The following PLCE1 variants were observed in gnomAD, a reference collection of about 807,000 sequenced individuals.
PLCE1 encodes the protein 1-phosphatidylinositol 4,5-bisphosphate phosphodiesterase epsilon-1.
Under a neutral mutation model 242.8 loss-of-function variants are expected in PLCE1, and 119 were observed. That is an observed-to-expected ratio of 0.49 (90% CI 0.42 to 0.57). PLCE1 has a LOEUF of 0.57. PLCE1 is among the 20% of genes least tolerant of loss of function. The pLI is 0.00. For synonymous variants in PLCE1, 945 were observed against 1,017.4 expected (o/e 0.93, Z 1.35); for missense variants, 2,441 against 2,788.8 (o/e 0.88, Z 2.81).
chr10:94,211,977 C>T (rs1473999908), intron 4 of PLCE1, among the ~76,000 whole-genome samples: 3 of 152,194 alleles, frequency 2.0e-5, no homozygotes, highest in Non-Finnish European at 2.9e-5. Flanking sequence ...AAAAAAATTA[C>T]ATGGTCAAAA....
intron 4 of PLCE1, among the ~76,000 whole-genome samples, chr10:94,177,188 T>G (rs1161424141): frequency 6.6e-6 from 1 of 152,184 alleles, no homozygotes; most frequent in Non-Finnish European, 1.5e-5. Flanking sequence ...TAGGAAAGCA[T>G]GGTTAAAATG....
At chr10:94,199,803 T>C (rs1488390203) in intron 4 of PLCE1, among the ~76,000 whole-genome samples, 1 of 151,924 alleles carries the variant, frequency 6.6e-6, no homozygotes, top group Non-Finnish European at 1.5e-5. Flanking sequence ...TGACAGACAA[T>C]GTGACGTGCT....
At chr10:94,235,878 T>G (rs2050304787) in intron 6 of PLCE1, 37 bp from the exon 7 acceptor site, 2 of 1,562,452 alleles carry the variant, frequency 1.3e-6, no homozygotes, top group African/African-American at 2.7e-5. Flanking sequence ...CCAGGCATAT[T>G]AAGTTGCAAT....
At chr10:94,001,208 G>A (rs2060924421) in intron 1 of PLCE1, among the ~76,000 whole-genome samples, 2 of 152,150 alleles carry the variant, frequency 1.3e-5, no homozygotes, top group Admixed American at 1.3e-4. Flanking sequence ...AGGGCTGTTA[G>A]TCAAACAGTA....
At chr10:94,047,823 C>T (rs1489556693) in intron 2 of PLCE1, among the ~76,000 whole-genome samples, 2 of 152,106 alleles carry the variant, frequency 1.3e-5, no homozygotes, top group Non-Finnish European at 2.9e-5. Context: ...TCCCAGGTAC[C>T]ATCTTCCTTA....
rs557282407 is a variant in PLCE1, at chr10:94,306,392, G to A, written c.5623-35G>A. 5.6e-5 allele frequency: 91 copies of A among 1,613,940 alleles called. No homozygotes were observed. The highest frequency in any genetic ancestry group is 5.1e-4 in the South Asian group (46 of 91,056). Reference sequence around the variant, plus strand: ...GAGGTTGTCTTTCTTTTTTATCCTCGGTGACTTTGATCCCTTTTGTCTCCC... The same window carrying A: ...GAGGTTGTCTTTCTTTTTTATCCTCAGTGACTTTGATCCCTTTTGTCTCCC... On this transcript the variant is annotated intron_variant, in intron 25 of 32. Coordinates refer to ENST00000371380, the MANE Select transcript of PLCE1 (RefSeq NM_016341.4). The surrounding 1 kb of genome is among the most constrained non-coding windows in gnomAD (Gnocchi z 5.7).
intron 4 of PLCE1, among the ~76,000 whole-genome samples, chr10:94,210,700 T>C (rs2049305017): frequency 6.6e-6 from 1 of 152,090 alleles, no homozygotes; most frequent in South Asian, 2.1e-4. Context: ...GAGCAGCTGC[T>C]CCCTCCTTTC....
At chr10:94,254,082 G>A (rs2050977766) in intron 9 of PLCE1, 108 bp from the exon 10 acceptor site, 1 of 809,708 alleles carries the variant, frequency 1.2e-6, no homozygotes. Context: ...TTACCAGGAA[G>A]AGGCAGTATT....
Position 94,262,655 on chromosome 10 carries a change from A to T in PLCE1, c.3976A>T (p.Ile1326Leu). The T allele has an allele frequency of 6.2e-7, 1 of 1,614,104 alleles. No individual in the cohort carries two copies. The part of the protein sequence containing the change: ...STSLGIFGVG[I>L]LQLNDFLVNC... The stretch of plus-strand genomic sequence containing the variant: ...ATCTCTGGGCATTTTTGGGGTGGGC[A>T]TACTTCAGCTCAACGATTTCCTCGT... The change falls in exon 14 of 33, where the codon ATA (isoleucine) becomes TTA (leucine). Residue 1326 changes from isoleucine (I) to leucine (L), a missense_variant. This residue lies in a region of PLCE1 where 1,004 missense variants were observed against 1,322.7 expected (regional missense o/e 0.76). Coordinates refer to ENST00000371380, the MANE Select transcript of PLCE1 (RefSeq NM_016341.4).
At chr10:94,006,485 C>T (rs1326537964) in intron 1 of PLCE1, among the ~76,000 whole-genome samples, 1 of 152,204 alleles carries the variant, frequency 6.6e-6, no homozygotes, top group Non-Finnish European at 1.5e-5. Context: ...GACTTTTTCA[C>T]ATGTTTACCT....
At chr10:94,292,701 A>G (rs144635722) in intron 22 of PLCE1, among the ~76,000 whole-genome samples, 24 of 152,268 alleles carry the variant, frequency 1.6e-4, no homozygotes, top group Non-Finnish European at 2.6e-4. Context: ...TGGAATGTGT[A>G]TTATCATCTG....
rs535859470 is a variant in PLCE1, at chr10:94,001,855, A to G, written c.-365+7597A>G. On this transcript the variant is annotated intron_variant, in intron 1 of 32. Coordinates refer to ENST00000371380, the MANE Select transcript of PLCE1 (RefSeq NM_016341.4). ...TGTTTTGCCAATCTCAGAAAGGTGG[A>G]TAAAATTCACAAAAGCTAAATACTC... 3.3e-5 allele frequency among the ~76,000 whole-genome samples: 5 copies of G among 152,348 alleles called. No homozygotes were observed. The East Asian group carries it at 5.8e-4, about 18-fold the overall frequency.
At chr10:94,207,874 G>GA (rs973413198) in intron 4 of PLCE1, among the ~76,000 whole-genome samples, 1 of 151,796 alleles carries the variant, frequency 6.6e-6, no homozygotes, top group Non-Finnish European at 1.5e-5. Context: ...CCAATATAGT[G>GA]AAAAAAAATT....
Position 93,996,520 on chromosome 10 carries a change from G to A in PLCE1, c.-365+2262G>A, listed in dbSNP as rs138628083. On this transcript the variant is annotated intron_variant, in intron 1 of 32. Transcript: ENST00000371380. ...CCCAAAGAGGAGAGTTGGAGATGGA[G>A]GAGTAGGGAATGGAGAAAGAGAGGA... 2.8e-3 allele frequency among the ~76,000 whole-genome samples: 432 copies of A among 152,288 alleles called. 1 individual carries two copies. The highest frequency in any genetic ancestry group is 9.7e-3 in the African/African-American group (402 of 41,568).
intron 18 of PLCE1, among the ~76,000 whole-genome samples, chr10:94,271,985 A>T (rs1435357349): frequency 6.6e-6 from 1 of 152,220 alleles, no homozygotes; most frequent in Non-Finnish European, 1.5e-5. Context: ...CAGAGCAAGG[A>T]TCACATGCTT....
Position 94,164,168 on chromosome 10 carries a change from C to T in PLCE1, c.1493-7012C>T, listed in dbSNP as rs532140390. ...TCTCGAGGAGTATCTTTGTGGCATT[C>T]TCTGTATTTCCTGAATCTGAATGTT... On this transcript the variant is annotated intron_variant, in intron 3 of 32. Coordinates refer to ENST00000371380, the MANE Select transcript of PLCE1 (RefSeq NM_016341.4). Among the ~76,000 whole-genome samples, 145 of 152,182 alleles carry T rather than the reference C, an allele frequency of 9.5e-4. 1 individual carries two copies. Among genetic ancestry groups the T allele is most frequent in the Non-Finnish European group, 1.8e-3 (122 of 68,016 alleles).
intron 8 of PLCE1, 109 bp from the exon 9 acceptor site, chr10:94,252,207 T>C: frequency 1.1e-6 from 1 of 921,238 alleles, no homozygotes; most frequent in East Asian, 2.4e-5. Context: ...TATTCTTCTG[T>C]GGCCGTCTGT....
intron 13 of PLCE1, among the ~76,000 whole-genome samples, chr10:94,260,871 A>G (rs1302042309): frequency 6.6e-6 from 1 of 152,108 alleles, no homozygotes; most frequent in Non-Finnish European, 1.5e-5. Flanking sequence ...TGGAAAAATG[A>G]GTGGAAAGTA....
At chr10:94,257,725 A>T (rs772805182) in intron 11 of PLCE1, among the ~76,000 whole-genome samples, 12 of 152,212 alleles carry the variant, frequency 7.9e-5, no homozygotes, top group Non-Finnish European at 1.6e-4. Flanking sequence ...GAACAATGAG[A>T]ACACTTGGAC....
Sources: gnomAD v4.1 joint callset for allele counts (sites outside exome capture counted in the v4.1 genomes callset) on GRCh38, gnomAD v4.1.1 for gene constraint, gnomAD v4.1.1 regional missense constraint, Gnocchi (gnomAD v3.1) non-coding constraint, MANE v1.5 for transcripts, NCBI Gene and HGNC (gene_info 2026-07-23, HGNC 2026-07-21) for gene names.